IL1RN: variants seen among roughly 807,000 people sequenced by gnomAD.
IL1RN encodes interleukin 1 receptor antagonist, also known as interleukin-1 receptor antagonist protein.
Under a neutral mutation model 13.7 loss-of-function variants are expected in IL1RN, and 10 were observed. The ratio of observed to expected loss-of-function variants is 0.73; its 90% CI spans 0.45 to 1.24. IL1RN has a LOEUF of 1.24. Among genes scored for constraint, IL1RN ranks in the 50% most tolerant of loss-of-function variants. IL1RN has a pLI of 0.00. For synonymous variants in IL1RN, 102 were observed against 82.7 expected (o/e 1.23, Z -1.27); for missense variants, 213 against 222.1 (o/e 0.96, Z 0.26).
upstream of IL1RN, among the ~76,000 whole-genome samples, chr2:113,110,220 A>G (rs114320890): frequency 0.015 from 2,326 of 152,340 alleles, 63 homozygotes; most frequent in African/African-American, 0.052. Flanking sequence ...CTGGTCCGGC[A>G]GTAGTGCCAA....
intron 1 of IL1RN, among the ~76,000 whole-genome samples, chr2:113,111,353 G>T (rs1274978823): frequency 1.3e-5 from 2 of 152,198 alleles, no homozygotes; most frequent in Admixed American, 1.3e-4. Flanking sequence ...TTTATTTATG[G>T]AGAAGGCACT....
At chr2:113,128,357 G>C (rs1389274985) in intron 1 of IL1RN, among the ~76,000 whole-genome samples, 1 of 152,244 alleles carries the variant, frequency 6.6e-6, no homozygotes, top group African/African-American at 2.4e-5. Flanking sequence ...TGATAGAAAT[G>C]ACAGGACTGC....
At chr2:113,115,959 C>T (rs1686583778), upstream of IL1RN, among the ~76,000 whole-genome samples, 1 of 152,224 alleles carries the variant, frequency 6.6e-6, no homozygotes, top group Admixed American at 6.5e-5. Flanking sequence ...CCTAGCTCCC[C>T]AGGGAAGAAA....
chr2:113,124,920 A>C (rs1470475845), upstream of IL1RN, among the ~76,000 whole-genome samples: 3 of 152,248 alleles, frequency 2.0e-5, no homozygotes, highest in South Asian at 2.1e-4. Flanking sequence ...AGGAGCCCCG[A>C]GCGTCTTTTC....
the IL1RN span, among the ~76,000 whole-genome samples, chr2:113,100,875 T>G: frequency 6.6e-6 from 1 of 152,276 alleles, no homozygotes; most frequent in African/African-American, 2.4e-5. Flanking sequence ...GGAAAAATAT[T>G]TTTTTCTCAG....
chr2:113,110,423 A>G (rs368808259), upstream of IL1RN, among the ~76,000 whole-genome samples: 11 of 152,266 alleles, frequency 7.2e-5, no homozygotes, highest in East Asian at 1.7e-3. Context: ...AGGTTCTTGG[A>G]TCATCCCAAA....
intron 2 of IL1RN, among the ~76,000 whole-genome samples, chr2:113,122,411 G>T (rs565670622): frequency 6.6e-6 from 1 of 152,174 alleles, no homozygotes; most frequent in Non-Finnish European, 1.5e-5. Context: ...TCTGGGGTGC[G>T]GCAGCCAGCA....
At chr2:113,121,493 C>A in intron 2 of IL1RN, 5 of 985,434 alleles carry the variant, frequency 5.1e-6, no homozygotes, top group Non-Finnish European at 6.0e-6. Flanking sequence ...CAAGAGCAAG[C>A]ATGTACCGCT....
At chr2:113,107,488 C>T (rs779392024), upstream of IL1RN, 2 of 151,856 alleles carry the variant, frequency 1.3e-5, no homozygotes, top group Non-Finnish European at 2.9e-5. Context: ...CTTTGGGAAG[C>T]CAAGGAACGT....
intron 2 of IL1RN, among the ~76,000 whole-genome samples, chr2:113,121,959 A>G (rs180946470): frequency 1.3e-5 from 2 of 152,374 alleles, no homozygotes; most frequent in African/African-American, 4.8e-5. Flanking sequence ...TCTTTGTACT[A>G]AAATATTTAC....
chr2:113,103,252 G>A (rs1686341504), upstream of IL1RN, among the ~76,000 whole-genome samples: 1 of 152,184 alleles, frequency 6.6e-6, no homozygotes, highest in Non-Finnish European at 1.5e-5. Context: ...GCAGTAGGTA[G>A]TATTATGGCC....
At chr2:113,107,666 G>A (rs1232787791), upstream of IL1RN, among the ~76,000 whole-genome samples, 2 of 152,150 alleles carry the variant, frequency 1.3e-5, no homozygotes, top group Non-Finnish European at 2.9e-5. Context: ...CCAGGAGGTA[G>A]AGGTTGCAGT....
At chr2:113,123,304 G>T (rs2104443997), upstream of IL1RN, among the ~76,000 whole-genome samples, 1 of 152,294 alleles carries the variant, frequency 6.6e-6, no homozygotes, top group Admixed American at 6.5e-5. Context: ...GCCCAGAGAG[G>T]TGGAGCCCAG....
chr2:113,118,019 A>G (rs774506535), exon 1 of IL1RN: 2 of 1,593,308 alleles, frequency 1.3e-6, no homozygotes, highest in Non-Finnish European at 1.7e-6. Context: ...GGCCCTCCCC[A>G]TGGCTTTAGG....
At chr2:113,114,455 T>C (rs1686554716), upstream of IL1RN, among the ~76,000 whole-genome samples, 1 of 152,136 alleles carries the variant, frequency 6.6e-6, no homozygotes, top group Non-Finnish European at 1.5e-5. Flanking sequence ...GTCAGGTACA[T>C]GTGTAATCAG....
At chr2:113,117,827 C>T (rs1265514080), upstream of IL1RN, 2 of 675,904 alleles carry the variant, frequency 3.0e-6, no homozygotes, top group Admixed American at 4.6e-5. Flanking sequence ...CTGGCCAACC[C>T]TCTGTGAGTG....
chr2:113,104,435 G>C (rs906177737), upstream of IL1RN, among the ~76,000 whole-genome samples: 2 of 152,118 alleles, frequency 1.3e-5, no homozygotes, highest in South Asian at 4.1e-4. Context: ...AGTGGGTAGA[G>C]AATCTGACTC....
chr2:113,123,129 A>AAAATAAAT (rs547212860), upstream of IL1RN, among the ~76,000 whole-genome samples: 3 of 152,228 alleles, frequency 2.0e-5, no homozygotes, highest in South Asian at 2.1e-4. Context: ...CCATCTCAAA[A>AAAATAAAT]AAATAAATAA....
At chr2:113,130,041 G>C (rs1687106241) in intron 2 of IL1RN, 1 of 280,172 alleles carries the variant, frequency 3.6e-6, no homozygotes, top group African/African-American at 2.2e-5. Flanking sequence ...CATGTATAAG[G>C]TTGAGCTATG....
Sources: gnomAD v4.1 joint callset for allele counts (sites outside exome capture counted in the v4.1 genomes callset) on GRCh38, gnomAD v4.1.1 for gene constraint, MANE v1.5 for transcripts, NCBI Gene and HGNC (gene_info 2026-07-23, HGNC 2026-07-21) for gene names.